Variants in CTNNA2 observed in about 807,000 individuals in gnomAD.
CTNNA2 encodes the protein catenin alpha-2.
Under a neutral mutation model 101.0 loss-of-function variants are expected in CTNNA2, and 42 were observed. That is an observed-to-expected ratio of 0.42 (90% CI 0.32 to 0.54). The LOEUF is 0.54. Among genes scored for constraint, CTNNA2 ranks in the 20% least tolerant of loss-of-function variants. CTNNA2 has a pLI of 0.14. For synonymous variants in CTNNA2, 450 were observed against 456.4 expected, an observed-to-expected ratio of 0.99 and a Z score of 0.18; for missense variants, 871 against 1,223.1, an observed-to-expected ratio of 0.71 and a Z score of 4.29.
chr2:79,287,861 G>A (rs1371179172), intron 2 of CTNNA2, among the ~76,000 whole-genome samples: 1 of 152,330 alleles, frequency 6.6e-6, no homozygotes, highest in South Asian at 2.1e-4. Flanking sequence ...CTGCCACCTT[G>A]CAGTTTGATC....
At chr2:80,373,326 A>G (rs1239452913) in intron 7 of CTNNA2, among the ~76,000 whole-genome samples, 2 of 152,178 alleles carry the variant, frequency 1.3e-5, no homozygotes, top group African/African-American at 2.4e-5. Context: ...TGGTATCTCA[A>G]GCACACAGCT....
chr2:79,236,414 T>C (rs1448652006), intron 2 of CTNNA2, among the ~76,000 whole-genome samples: 1 of 152,182 alleles, frequency 6.6e-6, no homozygotes, highest in Non-Finnish European at 1.5e-5. Flanking sequence ...ATTACACACA[T>C]GAACCACTGC....
At position 80,303,741 on chromosome 2, in the gene CTNNA2, C is replaced by T. The variant is rs1244393074; in HGVS notation, c.1057-89470C>T. On this transcript the variant is annotated intron_variant, in intron 7 of 18. Coordinates refer to ENST00000402739, the MANE Select transcript of CTNNA2 (RefSeq NM_001282597.3). This position sits in a 1 kb window ranked among gnomAD's most constrained non-coding sequence, Gnocchi z 7.7. ...GCGGCGGGCAGCATCTGAAAGCAGG[C>T]CCCCAGCAGACACAAGACCACCCCC... 2 of 1,597,240 alleles carry T rather than the reference C, an allele frequency of 1.3e-6. No individual in the cohort carries two copies. The highest frequency in any genetic ancestry group is 1.3e-5 in the African/African-American group (1 of 74,568).
At chr2:79,657,988 T>A (rs1159418) in intron 2 of CTNNA2, among the ~76,000 whole-genome samples, 1 of 151,604 alleles carries the variant, frequency 6.6e-6, no homozygotes, top group Non-Finnish European at 1.5e-5. Flanking sequence ...TTACAAGTAA[T>A]ATGAAAATGA....
chr2:80,377,155 A>G (rs1391126027), intron 7 of CTNNA2, among the ~76,000 whole-genome samples: 1 of 152,210 alleles, frequency 6.6e-6, no homozygotes, highest in Non-Finnish European at 1.5e-5. Flanking sequence ...CAAGTGTTAA[A>G]TATTACTCAG....
At chr2:79,843,630 C>T (rs1056353949) in intron 3 of CTNNA2, among the ~76,000 whole-genome samples, 1 of 152,216 alleles carries the variant, frequency 6.6e-6, no homozygotes, top group African/African-American at 2.4e-5. Flanking sequence ...TACAAGCTCT[C>T]TGCATCTACA....
chr2:79,576,004 G>C (rs1442942235), intron 1 of CTNNA2, among the ~76,000 whole-genome samples: 10 of 152,196 alleles, frequency 6.6e-5, no homozygotes. Context: ...CCAGTGACTG[G>C]CTCTTAGGTA....
At chr2:79,925,204 G>C (rs1686943984) in intron 7 of CTNNA2, among the ~76,000 whole-genome samples, 1 of 151,994 alleles carries the variant, frequency 6.6e-6, no homozygotes, top group Non-Finnish European at 1.5e-5. Flanking sequence ...TTGTACGATT[G>C]CTGTTTTTTC....
At chr2:79,324,733 TACAC>T (rs748850942) in intron 3 of CTNNA2, among the ~76,000 whole-genome samples, 4,537 of 119,436 alleles carry the variant, frequency 0.038, 114 homozygotes, top group Middle Eastern at 0.088. Context: ...CACTACACAC[TACAC>T]ACACACACAC....
rs57951342 is a variant in CTNNA2, at chr2:79,971,368, A to G, written c.1056+61571A>G. On this transcript the variant is annotated intron_variant, in intron 7 of 18. Transcript: ENST00000402739. ...CCTTATATCGTTTATTAATAGTTTC[A>G]TATATACATCTCATTTCCTGAATTA... 5.5e-3 allele frequency among the ~76,000 whole-genome samples: 835 copies of G among 152,230 alleles called. 7 individuals carry two copies. Among genetic ancestry groups the G allele is most frequent in the African/African-American group, 0.019 (771 of 41,542 alleles).
chr2:80,529,438 A>G (rs1050676061), intron 9 of CTNNA2, among the ~76,000 whole-genome samples: 2 of 152,184 alleles, frequency 1.3e-5, no homozygotes, highest in Non-Finnish European at 2.9e-5. Flanking sequence ...TGAAAGTTAA[A>G]TTTTCTGTCT....
chr2:80,191,919 G>A (rs1482200627), intron 7 of CTNNA2, among the ~76,000 whole-genome samples: 1 of 152,140 alleles, frequency 6.6e-6, no homozygotes, highest in East Asian at 1.9e-4. Context: ...TAGACATAAA[G>A]CTAAGACATA....
intron 1 of CTNNA2, among the ~76,000 whole-genome samples, chr2:79,540,964 A>G (rs563121245): frequency 6.6e-6 from 1 of 152,238 alleles, no homozygotes; most frequent in East Asian, 1.9e-4. Flanking sequence ...GTGTGATTAA[A>G]TGTCAAATTT....
chr2:80,479,175 A>G (rs1685958464), intron 9 of CTNNA2, among the ~76,000 whole-genome samples: 1 of 152,052 alleles, frequency 6.6e-6, no homozygotes, highest in African/African-American at 2.4e-5. Flanking sequence ...TCCTCTGATC[A>G]TTATTAGGAT....
At chr2:79,543,464 TAGAC>T (rs982530411) in intron 1 of CTNNA2, among the ~76,000 whole-genome samples, 11 of 152,310 alleles carry the variant, frequency 7.2e-5, no homozygotes, top group African/African-American at 2.2e-4. Context: ...TTTTTAAAGA[TAGAC>T]AGCTGTAGCT....
At chr2:80,561,560 C>T (rs1010308401) in intron 12 of CTNNA2, among the ~76,000 whole-genome samples, 3 of 152,148 alleles carry the variant, frequency 2.0e-5, no homozygotes, top group Non-Finnish European at 2.9e-5. Context: ...ATGGATTCTG[C>T]ACATACAGTG....
intron 7 of CTNNA2, among the ~76,000 whole-genome samples, chr2:80,057,149 T>A (rs1335152250): frequency 1.3e-5 from 2 of 151,334 alleles, no homozygotes; most frequent in African/African-American, 4.9e-5. Context: ...TAAAAGTAAA[T>A]CCATGGGATA....
At chr2:80,421,268 G>A (rs2149409072) in intron 9 of CTNNA2, among the ~76,000 whole-genome samples, 1 of 152,216 alleles carries the variant, frequency 6.6e-6, no homozygotes, top group East Asian at 1.9e-4. Context: ...ACATTTACAA[G>A]ATAACTGCAG....
chr2:80,329,857 T>C (rs1321447464), intron 7 of CTNNA2, among the ~76,000 whole-genome samples: 4 of 152,226 alleles, frequency 2.6e-5, no homozygotes, highest in Non-Finnish European at 4.4e-5. Flanking sequence ...TGCCTAGATA[T>C]AGATCCACTC....
Sources: allele counts gnomAD v4.1 joint callset (sites outside exome capture counted in the v4.1 genomes callset), GRCh38; gene constraint gnomAD v4.1.1; non-coding constraint Gnocchi (gnomAD v3.1); transcripts MANE v1.5; gene names NCBI Gene and HGNC (gene_info 2026-07-23, HGNC 2026-07-21).